Variants in NPAS3 observed in about 807,000 individuals in gnomAD.
The protein encoded by NPAS3 is neuronal PAS domain-containing protein 3.
NPAS3 carries 14 observed loss-of-function variants against 73.1 expected under a neutral mutation model. The ratio of observed to expected loss-of-function variants is 0.19; its 90% CI spans 0.13 to 0.30. NPAS3 has a LOEUF of 0.30. Among genes scored for constraint, NPAS3 ranks in the 10% least tolerant of loss-of-function variants. The probability of loss-of-function intolerance (pLI) is 1.00; values close to 1 mark genes in which losing one functional copy is unlikely to be tolerated. For missense variants in NPAS3, 1,096 were observed against 1,250.0 expected, an observed-to-expected ratio of 0.88 and a Z score of 1.86; for synonymous variants, 620 against 541.5, an observed-to-expected ratio of 1.14 and a Z score of -2.01.
intron 2 of NPAS3, among the ~76,000 whole-genome samples, chr14:33,129,942 C>T (rs928275681): frequency 6.6e-6 from 1 of 152,096 alleles, no homozygotes; most frequent in African/African-American, 2.4e-5. Context: ...CATGATTAAG[C>T]AACAGATCAT....
At chr14:33,592,058 G>T (rs1000239679) in intron 5 of NPAS3, among the ~76,000 whole-genome samples, 1 of 152,100 alleles carries the variant, frequency 6.6e-6, no homozygotes, top group Non-Finnish European at 1.5e-5. Flanking sequence ...TGGGATGACC[G>T]CTGGGAGACC....
intron 7 of NPAS3, among the ~76,000 whole-genome samples, chr14:33,749,006 C>A (rs953949283): frequency 6.6e-6 from 1 of 152,044 alleles, no homozygotes. Context: ...CAAATGAACG[C>A]CATGAGGGAA....
intron 2 of NPAS3, among the ~76,000 whole-genome samples, chr14:33,189,728 G>T (rs1427390299): frequency 6.6e-6 from 1 of 152,140 alleles, no homozygotes; most frequent in Non-Finnish European, 1.5e-5. Context: ...TCATCCCTTT[G>T]TAACGTTCAT....
chr14:32,962,454 G>A (rs1048213617), intron 1 of NPAS3, among the ~76,000 whole-genome samples: 2 of 151,646 alleles, frequency 1.3e-5, no homozygotes, highest in African/African-American at 2.4e-5. Context: ...TTAAATGCAA[G>A]TATTAACAGA....
chr14:33,600,518 A>C (rs1376003158), intron 5 of NPAS3, among the ~76,000 whole-genome samples: 1 of 152,218 alleles, frequency 6.6e-6, no homozygotes, highest in African/African-American at 2.4e-5. Context: ...TATAGAATAA[A>C]TAGTATTATG....
chr14:32,939,972 T>G (rs954790760), intron 1 of NPAS3, among the ~76,000 whole-genome samples: 9 of 152,234 alleles, frequency 5.9e-5, no homozygotes, highest in African/African-American at 2.2e-4. Flanking sequence ...GCCGCCTCCC[T>G]GCCTCCCGGG....
At chr14:33,349,764 G>A (rs1111318) in intron 3 of NPAS3, among the ~76,000 whole-genome samples, 52,862 of 152,020 alleles carry the variant, frequency 0.35, 9,566 homozygotes, top group Non-Finnish European at 0.41. Flanking sequence ...TCCTTTTCCC[G>A]TCCTGATGGG....
intron 5 of NPAS3, among the ~76,000 whole-genome samples, chr14:33,567,403 G>A (rs927457550): frequency 3.3e-5 from 5 of 152,136 alleles, no homozygotes; most frequent in African/African-American, 7.2e-5. Context: ...GTTGGATGTC[G>A]AACATATAAA....
intron 2 of NPAS3, among the ~76,000 whole-genome samples, chr14:33,111,658 T>C (rs1273138842): frequency 6.7e-6 from 1 of 148,268 alleles, no homozygotes; most frequent in Non-Finnish European, 1.5e-5. Context: ...ATTTTCTTTT[T>C]TTTTCTTTTT....
Position 33,204,637 on chromosome 14 carries a change from C to G in NPAS3, c.141-10545C>G, listed in dbSNP as rs564656004. Among the ~76,000 whole-genome samples, 31 of 152,124 alleles carry G rather than the reference C, an allele frequency of 2.0e-4. No homozygotes were observed. The South Asian group carries it at 2.5e-3, about 12-fold the overall frequency. On this transcript the variant is annotated intron_variant, in intron 2 of 11. Coordinates refer to ENST00000356141, the Ensembl canonical transcript of NPAS3. ...TCACTGAATGGAATCACATTCCATC[C>G]CCAACCAGCAGCCGGCAAATGATAC... is the stretch of plus-strand genomic sequence containing the variant.
At chr14:33,741,481 A>T (rs897093300) in intron 7 of NPAS3, among the ~76,000 whole-genome samples, 1 of 152,172 alleles carries the variant, frequency 6.6e-6, no homozygotes, top group African/African-American at 2.4e-5. Context: ...AGAGGAGAGA[A>T]CCAATAAAAT....
At chr14:33,361,848 T>C (rs777624112) in intron 3 of NPAS3, among the ~76,000 whole-genome samples, 60 of 152,142 alleles carry the variant, frequency 3.9e-4, no homozygotes, top group Non-Finnish European at 7.8e-4. Context: ...TTTTTTCTGG[T>C]ATTTATTTGT....
At chr14:33,278,485 C>T (rs986373014) in intron 3 of NPAS3, among the ~76,000 whole-genome samples, 2 of 145,110 alleles carry the variant, frequency 1.4e-5, no homozygotes, top group Non-Finnish European at 3.0e-5. Flanking sequence ...AGGAAGATTT[C>T]AGAGTCCTAG....
chr14:33,568,122 GA>G (rs376822595), intron 5 of NPAS3, among the ~76,000 whole-genome samples: 8 of 152,010 alleles, frequency 5.3e-5, no homozygotes, highest in South Asian at 4.2e-4. Flanking sequence ...TCTAAAGTCA[GA>G]AAAAAAATAC....
intron 5 of NPAS3, among the ~76,000 whole-genome samples, chr14:33,649,966 C>T (rs980979071): frequency 1.3e-5 from 2 of 152,158 alleles, no homozygotes; most frequent in Admixed American, 6.5e-5. Context: ...GCCACCCAAC[C>T]AATAGCTTTC....
chr14:33,431,942 C>T (rs1239795110), intron 4 of NPAS3, among the ~76,000 whole-genome samples: 1 of 152,022 alleles, frequency 6.6e-6, no homozygotes, highest in South Asian at 2.1e-4. Flanking sequence ...AGGTATTAGT[C>T]TGATCAACTA....
intron 1 of NPAS3, among the ~76,000 whole-genome samples, chr14:32,984,599 C>T (rs1959166): frequency 0.53 from 80,341 of 151,960 alleles, 24,587 homozygotes; most frequent in Non-Finnish European, 0.69. Flanking sequence ...CTTTGGTATT[C>T]ACAAAATTCT....
At chr14:33,485,898 G>A (rs2051567986) in intron 4 of NPAS3, among the ~76,000 whole-genome samples, 1 of 151,904 alleles carries the variant, frequency 6.6e-6, no homozygotes, top group Non-Finnish European at 1.5e-5. Flanking sequence ...GAGTGCTCAG[G>A]TTGCGTAGTG....
At chr14:33,282,736 G>C (rs1047317481) in intron 3 of NPAS3, among the ~76,000 whole-genome samples, 3 of 152,094 alleles carry the variant, frequency 2.0e-5, no homozygotes, top group African/African-American at 7.2e-5. Flanking sequence ...GACTGAATAG[G>C]GGATAGGCTG....
Sources: allele counts gnomAD v4.1 joint callset (sites outside exome capture counted in the v4.1 genomes callset), GRCh38; gene constraint gnomAD v4.1.1; transcripts MANE v1.5; gene names NCBI Gene and HGNC (gene_info 2026-07-23, HGNC 2026-07-21).